The following BMI1 variants were observed in gnomAD, a reference collection of about 807,000 sequenced individuals.
BMI1 encodes polycomb complex protein BMI-1.
A neutral mutation model predicts 39.1 loss-of-function variants in BMI1; 9 were observed. That is an observed-to-expected ratio of 0.23 (90% CI 0.14 to 0.40). BMI1 has a LOEUF of 0.40. BMI1 is among the 10% of genes least tolerant of loss of function. The probability of loss-of-function intolerance (pLI) is 1.00; values close to 1 mark genes in which losing one functional copy is unlikely to be tolerated. For synonymous variants in BMI1, 131 were observed against 127.9 expected (o/e 1.02, Z -0.16); for missense variants, 252 against 390.8 (o/e 0.64, Z 2.99).
intron 1 of BMI1, among the ~76,000 whole-genome samples, chr10:22,325,350 G>C (rs904568841): frequency 6.6e-6 from 1 of 152,224 alleles, no homozygotes; most frequent in African/African-American, 2.4e-5. Context: ...GACAGACCGA[G>C]AGAGTCGAGA....
At chr10:22,322,806 T>TTGA (rs1373340729) in intron 1 of BMI1, among the ~76,000 whole-genome samples, 2 of 152,344 alleles carry the variant, frequency 1.3e-5, no homozygotes, top group Non-Finnish European at 2.9e-5. Flanking sequence ...CACTAAAAAG[T>TTGA]TGATTGCATA....
rs748865236 is a variant in BMI1 at position 22,326,412 on chromosome 10, T to C, written c.-19-19T>C. The C allele has an allele frequency of 6.2e-7, 1 of 1,609,128 alleles. No homozygotes were observed. The highest frequency in any genetic ancestry group is 8.5e-7 in the Non-Finnish European group (1 of 1,179,834). On this transcript the variant is annotated intron_variant, in intron 1 of 9. Coordinates refer to ENST00000376663, the MANE Select transcript of BMI1 (RefSeq NM_005180.9). ...ATTCTTGTTCTGTGAATTATGGCCA[T>C]TATTTCTGTGTCTTGCAGGATTTTT... is the stretch of plus-strand genomic sequence containing the variant.
chr10:22,326,490 C>G lies in BMI1; in HGVS notation c.41C>G (p.Pro14Arg). 1 of 1,613,966 alleles carries G rather than the reference C, an allele frequency of 6.2e-7. No homozygotes were observed. Among genetic ancestry groups the G allele is most frequent in the Admixed American group, 1.7e-5 (1 of 60,024 alleles). Residue 14 changes from proline (P) to arginine (R), a missense_variant, in exon 2 of 10, where the codon CCC (proline) becomes CGC (arginine). Coordinates refer to ENST00000376663, the MANE Select transcript of BMI1 (RefSeq NM_005180.9). ...TTRIKITELNPHLMCVLCGGY... is the reference protein window; with the variant it reads ...TTRIKITELNRHLMCVLCGGY... ...AGAATCAAGATCACTGAGCTAAATC[C>G]CCACCTGATGTGTGTGCTTTGTGGA... is the stretch of plus-strand genomic sequence containing the variant.
At chr10:22,328,555 A>C (rs774827379) in intron 7 of BMI1, 45 bp from the exon 8 acceptor site, 3 of 1,562,384 alleles carry the variant, frequency 1.9e-6, no homozygotes, top group South Asian at 2.4e-5. Context: ...CTTTCTTCAT[A>C]TCTTAAAGTA....
intron 8 of BMI1, 101 bp downstream of exon 8, chr10:22,328,799 A>T (rs1198024684): frequency 1.5e-5 from 19 of 1,273,152 alleles, no homozygotes; most frequent in Non-Finnish European, 1.9e-5. Context: ...TAGAAAAAAA[A>T]TGTGAAGTTA....
At chr10:22,321,897 G>A (rs1320581293) in intron 1 of BMI1, among the ~76,000 whole-genome samples, 2 of 143,596 alleles carry the variant, frequency 1.4e-5, no homozygotes, top group African/African-American at 2.5e-5. Flanking sequence ...CGCCCTCCCC[G>A]CGCCCGCGAG....
At chr10:22,326,382 T>A (rs1383504583) in intron 1 of BMI1, 49 bp from the exon 2 acceptor site, 2 of 1,602,252 alleles carry the variant, frequency 1.2e-6, no homozygotes, top group African/African-American at 1.3e-5. Context: ...TACTAGATGA[T>A]CTCCATTCTT....
rs1836197406 is a variant in BMI1, at chr10:22,328,001, G to A, written c.368G>A (p.Arg123Lys). 6.2e-7 allele frequency: 1 copy of A among 1,611,416 alleles called. No homozygotes were observed. Among genetic ancestry groups the A allele is most frequent in the Non-Finnish European group, 8.5e-7 (1 of 1,179,088 alleles). ...DRGEVADEDK[R>K]IITDDEIISL... is the part of the protein sequence containing the mutation. ...GGAGAGGTTGCAGATGAAGATAAGA[G>A]AATTATAACTGATGATGAGATAATA... Residue 123 changes from arginine (R) to lysine (K), a missense_variant, in exon 6 of 10, where the codon AGA becomes AAA. Around this residue, in one of 4 missense-constraint regions of BMI1, gnomAD observed 67 missense variants for 69.9 expected, o/e 0.96. Coordinates refer to ENST00000376663, the MANE Select transcript of BMI1 (RefSeq NM_005180.9).
chr10:22,328,862 C>G (rs976657564), intron 8 of BMI1, among the ~76,000 whole-genome samples, 164 bp downstream of exon 8: 5 of 152,090 alleles, frequency 3.3e-5, no homozygotes, highest in African/African-American at 1.2e-4. Flanking sequence ...CTCTTTTATG[C>G]TATGAAAACA....
chr10:22,324,322 A>G (rs1258339055), intron 1 of BMI1, among the ~76,000 whole-genome samples: 1 of 152,216 alleles, frequency 6.6e-6, no homozygotes, highest in Non-Finnish European at 1.5e-5. Context: ...TCACAAGGAG[A>G]ATTTTCTTTA....
In BMI1 at chr10:22,328,069, TA is replaced by T. The variant is rs745435531; in HGVS notation, c.425+12del. 2.5e-6 allele frequency: 4 copies of T among 1,596,150 alleles called. No individual in the cohort carries two copies. In the South Asian group the frequency reaches 4.6e-5, roughly 18 times the overall value. Reference sequence around the variant, plus strand: ...CTTTGACCAGAACAGGTAAAATCTTTAGGCAATTTATTTTATGCTAATGTTT... The same window carrying T: ...CTTTGACCAGAACAGGTAAAATCTTTGGCAATTTATTTTATGCTAATGTTT... On this transcript the variant is annotated intron_variant, in intron 6 of 9. Coordinates refer to ENST00000376663, the MANE Select transcript of BMI1 (RefSeq NM_005180.9).
chr10:22,328,239 A>G lies in BMI1; in HGVS notation c.471+60A>G, dbSNP rs575936563. On this transcript the variant is annotated intron_variant, in intron 7 of 9. Coordinates refer to ENST00000376663, the MANE Select transcript of BMI1 (RefSeq NM_005180.9). ...CATTGTTTGGAATCCAGATTTTATC[A>G]GGGATTGTGTTGCCCTTTAGAATAT... 18 of 1,543,714 alleles carry G rather than the reference A, an allele frequency of 1.2e-5. No homozygotes were observed. In the African/African-American group the frequency reaches 2.1e-4, roughly 18 times the overall value.
intron 5 of BMI1, 57 bp from the exon 6 acceptor site, chr10:22,327,893 T>G: frequency 6.3e-7 from 1 of 1,581,044 alleles, no homozygotes; most frequent in Non-Finnish European, 8.6e-7. Context: ...TCCTCTTATA[T>G]ATAAAATTTA....
Position 22,327,627 on chromosome 10 carries a change from A to G in BMI1, c.242A>G (p.Lys81Arg). 2.5e-6 allele frequency: 4 copies of G among 1,612,504 alleles called. No homozygotes were observed. The highest frequency in any genetic ancestry group is 1.3e-5 in the African/African-American group (1 of 74,978). The change falls in exon 4 of 10, where the codon AAA becomes AGA. Residue 81 changes from lysine to arginine, a missense_variant. Lys to Arg is a conservative substitution (Grantham distance 26). Transcript: ENST00000376663. The part of the protein sequence containing the change: ...SDKTLQDIVY[K>R]LVPGLFKNEM... ...AAAACTCTCCAAGATATTGTATACA[A>G]ATTAGTTCCAGGGCTTTTCAAAAGT...
Position 22,329,309 on chromosome 10 carries a change from G to C in BMI1, c.748G>C (p.Glu250Gln). The change falls in exon 10 of 10, where the codon GAA becomes CAA. Residue 250 changes from glutamate (E) to glutamine (Q), a missense_variant. Coordinates refer to ENST00000376663, the MANE Select transcript of BMI1 (RefSeq NM_005180.9). ...TGGACTGACAAATGCTGGAGAACTGGAAAGTGACTCTGGGAGTGACAAGGC... is the reference window on the plus strand; with the variant it reads ...TGGACTGACAAATGCTGGAGAACTGCAAAGTGACTCTGGGAGTGACAAGGC... ...RDGLTNAGEL[E>Q]SDSGSDKANS... 1 of 1,614,198 alleles carries C rather than the reference G, an allele frequency of 6.2e-7. No homozygotes were observed. Among genetic ancestry groups the C allele is most frequent in the Non-Finnish European group, 8.5e-7 (1 of 1,180,036 alleles).
At chr10:22,324,798 G>C (rs1340518978) in intron 1 of BMI1, among the ~76,000 whole-genome samples, 1 of 152,224 alleles carries the variant, frequency 6.6e-6, no homozygotes, top group East Asian at 1.9e-4. Flanking sequence ...GAATGAAGAA[G>C]GGGGGTTGAA....
chr10:22,329,742 T>C lies in BMI1; in HGVS notation c.*200T>C, dbSNP rs1259834468. 3 of 649,918 alleles carry C rather than the reference T, an allele frequency of 4.6e-6. No individual in the cohort carries two copies. In the East Asian group the frequency reaches 8.8e-5, roughly 19 times the overall value. The allele number at this position is 649,918 out of a possible 1,614,324, so 40.3% of individuals were successfully genotyped here. ...TAATTGAAAAGAAAGATTGTTGTTATAAAGAATTGGTTTCTTGGAAAGCAG... is the reference window on the plus strand; with the variant it reads ...TAATTGAAAAGAAAGATTGTTGTTACAAAGAATTGGTTTCTTGGAAAGCAG... On this transcript the variant is annotated 3_prime_UTR_variant, in exon 10 of 10. Coordinates refer to ENST00000376663, the MANE Select transcript of BMI1 (RefSeq NM_005180.9).
chr10:22,327,886 TCTTA>T, intron 5 of BMI1, 60 bp from the exon 6 acceptor site: 5 of 1,584,584 alleles, frequency 3.2e-6, no homozygotes, highest in Non-Finnish European at 4.3e-6. Context: ...ACTTCCATCC[TCTTA>T]TATATAAAAT....
chr10:22,331,371 T>C lies in BMI1; in HGVS notation c.*1829T>C, dbSNP rs1836278230. 1 of 152,158 alleles carries C rather than the reference T, an allele frequency of 6.6e-6. No homozygotes were observed. Among genetic ancestry groups the C allele is most frequent in the African/African-American group, 2.4e-5 (1 of 41,452 alleles). The allele number at this position is 152,158 out of a possible 1,614,324, so 9.4% of individuals were successfully genotyped here. A position where few individuals can be genotyped will look rare whatever the true frequency, so the allele number is the denominator to read the frequency against. ...CGTTAAAGAGAATACATTGCTGACT[T>C]ATAGTGATGTGGCTAAGAAGTACAT... On this transcript the variant is annotated 3_prime_UTR_variant, in exon 10 of 10. Coordinates refer to ENST00000376663, the MANE Select transcript of BMI1 (RefSeq NM_005180.9).
Sources: gnomAD v4.1 joint callset for allele counts (sites outside exome capture counted in the v4.1 genomes callset) on GRCh38, gnomAD v4.1.1 for gene constraint, gnomAD v4.1.1 regional missense constraint, MANE v1.5 for transcripts, NCBI Gene and HGNC (gene_info 2026-07-23, HGNC 2026-07-21) for gene names.